Variants in NEIL3 observed in about 807,000 individuals in gnomAD.
NEIL3 encodes nei like DNA glycosylase 3, also known as endonuclease 8-like 3.
In NEIL3, 48 loss-of-function variants were observed where a neutral mutation model predicts 57.5. The observed-to-expected ratio is 0.83, with a 90% CI of 0.66 to 1.06. The LOEUF is 1.06. NEIL3 is among the 50% of genes least tolerant of loss of function. The pLI, the probability that NEIL3 is intolerant of heterozygous loss-of-function variation, is 0.00. For missense variants in NEIL3, 717 were observed against 739.1 expected (o/e 0.97, Z 0.35); for synonymous variants, 261 against 253.2 (o/e 1.03, Z -0.29).
intron 1 of NEIL3, among the ~76,000 whole-genome samples, chr4:177,317,950 T>C (rs561645080): frequency 2.0e-5 from 3 of 152,246 alleles, no homozygotes; most frequent in East Asian, 1.9e-4. Flanking sequence ...GATATAGATG[T>C]CTGCTCCAGG....
At chr4:177,323,866 T>C (rs1158058610) in intron 2 of NEIL3, among the ~76,000 whole-genome samples, 1 of 152,210 alleles carries the variant, frequency 6.6e-6, no homozygotes, top group Admixed American at 6.5e-5. Context: ...TGTCAGTAAG[T>C]GTTCCATGAA....
rs1490165936 is a variant in NEIL3, at chr4:177,362,694, A to G, written c.*223A>G. The G allele has an allele frequency of 2.6e-6, 1 of 378,334 alleles. No individual in the cohort carries two copies. The highest frequency in any genetic ancestry group is 4.7e-6 in the Non-Finnish European group (1 of 211,888). 23.4% of individuals were successfully genotyped at this position (378,334 alleles called of 1,614,324 possible). A position where few individuals can be genotyped will look rare whatever the true frequency, so the allele number is the denominator to read the frequency against. Reference sequence around the variant, plus strand: ...CTATGTATTTCATCGGATATACAGCATATTCCATTTAGGATGTGTATTTAA... The same window carrying G: ...CTATGTATTTCATCGGATATACAGCGTATTCCATTTAGGATGTGTATTTAA... On this transcript the variant is annotated 3_prime_UTR_variant, in exon 10 of 10. Transcript: ENST00000264596.
intron 2 of NEIL3, among the ~76,000 whole-genome samples, chr4:177,329,097 TA>T (rs1241114410): frequency 1.3e-5 from 2 of 151,678 alleles, no homozygotes; most frequent in Admixed American, 6.6e-5. Flanking sequence ...AGCAACTACT[TA>T]AAAAAATTCA....
intron 6 of NEIL3, among the ~76,000 whole-genome samples, chr4:177,342,584 A>G (rs1055528728): frequency 2.6e-5 from 4 of 152,136 alleles, no homozygotes; most frequent in Admixed American, 2.6e-4. Flanking sequence ...AAGGTTGGGA[A>G]GATCTCAAAG....
intron 1 of NEIL3, among the ~76,000 whole-genome samples, chr4:177,314,496 A>G (rs950859011): frequency 6.6e-6 from 1 of 152,194 alleles, no homozygotes; most frequent in Non-Finnish European, 1.5e-5. Flanking sequence ...CTAGCAAAAT[A>G]AACATCCTGG....
Position 177,336,257 on chromosome 4 carries a change from C to T in NEIL3, c.563C>T (p.Pro188Leu). 2 of 1,614,188 alleles carry T rather than the reference C, an allele frequency of 1.2e-6. No individual in the cohort carries two copies. The highest frequency in any genetic ancestry group is 2.2e-5 in the South Asian group (2 of 91,078). The change falls in exon 4 of 10, where the codon CCT becomes CTT. Residue 188 changes from proline to leucine, a missense_variant. Transcript: ENST00000264596. Reference sequence around the variant, plus strand: ...GTGCTAATGGATCAGAACGTATTGCCTGGAGTAGGGAACATCATCAAAAAT... The same window carrying T: ...GTGCTAATGGATCAGAACGTATTGCTTGGAGTAGGGAACATCATCAAAAAT... ...GDVLMDQNVL[P>L]GVGNIIKNEA...
chr4:177,359,479 A>G (rs908455579), intron 8 of NEIL3, among the ~76,000 whole-genome samples: 5 of 152,200 alleles, frequency 3.3e-5, no homozygotes, highest in Non-Finnish European at 4.4e-5. Context: ...ACAAGTGTGT[A>G]AAAAATGCAG....
downstream of NEIL3, among the ~76,000 whole-genome samples, chr4:177,367,787 G>A (rs947831611): frequency 6.6e-6 from 1 of 152,210 alleles, no homozygotes; most frequent in Non-Finnish European, 1.5e-5. Flanking sequence ...AGACTGTGGG[G>A]AAGACAGTGA....
At chr4:177,338,024 T>TCTCTCTCA (rs71597499) in intron 4 of NEIL3, among the ~76,000 whole-genome samples, 1 of 149,368 alleles carries the variant, frequency 6.7e-6, no homozygotes, top group African/African-American at 2.5e-5. Context: ...TCTCTCTCTC[T>TCTCTCTCA]CACACACACA....
At chr4:177,368,241 A>G in the NEIL3 span, among the ~76,000 whole-genome samples, 2 of 152,186 alleles carry the variant, frequency 1.3e-5, no homozygotes, top group Admixed American at 6.5e-5. Context: ...TAAATTTACA[A>G]TGTTAAAATT....
intron 4 of NEIL3, among the ~76,000 whole-genome samples, chr4:177,338,672 T>A (rs1030732665): frequency 3.9e-5 from 6 of 152,228 alleles, no homozygotes; most frequent in African/African-American, 1.4e-4. Flanking sequence ...TATGTTAGGC[T>A]GTGTCAGAAA....
At chr4:177,329,552 C>G (rs1264254621) in intron 2 of NEIL3, among the ~76,000 whole-genome samples, 3 of 151,708 alleles carry the variant, frequency 2.0e-5, no homozygotes, top group Non-Finnish European at 4.4e-5. Flanking sequence ...TGTAGTAATC[C>G]TAATAGAAAT....
chr4:177,350,378 G>T (rs1735324970), intron 6 of NEIL3, among the ~76,000 whole-genome samples: 1 of 152,180 alleles, frequency 6.6e-6, no homozygotes, highest in South Asian at 2.1e-4. Context: ...CTATGTCACA[G>T]CCGTATAAAG....
intron 1 of NEIL3, among the ~76,000 whole-genome samples, chr4:177,320,679 C>T (rs1425838792): frequency 2.6e-5 from 4 of 151,392 alleles, no homozygotes; most frequent in East Asian, 3.9e-4. Context: ...CAGGGTTTCA[C>T]GGTGGTCTCG....
intron 1 of NEIL3, among the ~76,000 whole-genome samples, chr4:177,315,475 T>G (rs1478087169): frequency 6.6e-6 from 1 of 152,218 alleles, no homozygotes; most frequent in Non-Finnish European, 1.5e-5. Context: ...TAATGGATTA[T>G]AAGGGTCAAC....
chr4:177,355,835 T>TCA (rs1426577137), intron 8 of NEIL3, among the ~76,000 whole-genome samples: 2 of 152,198 alleles, frequency 1.3e-5, no homozygotes, highest in African/African-American at 4.8e-5. Flanking sequence ...AAATTTACCA[T>TCA]CAGTTAATCC....
chr4:177,311,646 C>A lies in NEIL3; in HGVS notation c.156+1537C>A, dbSNP rs193055171. The stretch of plus-strand genomic sequence containing the variant: ...CTGAGGTCGCGTTATTGCACCCCAG[C>A]CTGGGCAACAAGAGCGAAACTCTGT... On this transcript the variant is annotated intron_variant, in intron 1 of 9. Transcript: ENST00000264596. Among the ~76,000 whole-genome samples the A allele has an allele frequency of 6.0e-3, 877 of 147,028 alleles. 4 individuals carry two copies. Among genetic ancestry groups the A allele is most frequent in the Middle Eastern group, 0.028 (8 of 282 alleles).
At chr4:177,342,600 G>A (rs1016300949) in intron 6 of NEIL3, among the ~76,000 whole-genome samples, 6 of 151,730 alleles carry the variant, frequency 4.0e-5, no homozygotes, top group East Asian at 2.0e-4. Flanking sequence ...CAAAGAAAGC[G>A]TCATTTGAGT....
Position 177,353,361 on chromosome 4 carries a change from TACC to T in NEIL3, c.1094_1096del (p.Tyr365_Pro366delinsSer), listed in dbSNP as rs1735401301. 1 of 1,613,716 alleles carries T rather than the reference TACC, an allele frequency of 6.2e-7. No individual in the cohort carries two copies. The highest frequency in any genetic ancestry group is 1.3e-5 in the African/African-American group (1 of 74,900). On this transcript the variant is annotated inframe_deletion, in exon 8 of 10. Coordinates refer to ENST00000264596, the MANE Select transcript of NEIL3 (RefSeq NM_018248.3). ...TACTGTCTTTAGCCACTTAATGAAG[TACC>T]CGTGTAATACTTTTGGAAAACCTCA...
Sources: gnomAD v4.1 joint callset for allele counts (sites outside exome capture counted in the v4.1 genomes callset) on GRCh38, gnomAD v4.1.1 for gene constraint, MANE v1.5 for transcripts, NCBI Gene and HGNC (gene_info 2026-07-23, HGNC 2026-07-21) for gene names.